TFG: variants seen among roughly 807,000 people sequenced by gnomAD.
The protein encoded by TFG is trafficking from ER to golgi regulator.
Under a neutral mutation model 51.4 loss-of-function variants are expected in TFG, and 22 were observed. That is an observed-to-expected ratio of 0.43 (90% CI 0.31 to 0.61). The LOEUF (loss-of-function observed/expected upper bound fraction) is 0.61. Among genes scored for constraint, TFG ranks in the 20% least tolerant of loss-of-function variants. The pLI, the probability that TFG is intolerant of heterozygous loss-of-function variation, is 0.12. For missense variants in TFG, 419 were observed against 487.7 expected, an observed-to-expected ratio of 0.86 and a Z score of 1.33; for synonymous variants, 187 against 165.6, an observed-to-expected ratio of 1.13 and a Z score of -0.99.
At chr3:100,710,528 G>C (rs950740539) in intron 1 of TFG, among the ~76,000 whole-genome samples, 1 of 152,190 alleles carries the variant, frequency 6.6e-6, no homozygotes, top group African/African-American at 2.4e-5. Flanking sequence ...TTTCTTGAAG[G>C]AAACTGCTCC....
At chr3:100,716,486 G>A (rs2095046830) in intron 2 of TFG, among the ~76,000 whole-genome samples, 1 of 152,152 alleles carries the variant, frequency 6.6e-6, no homozygotes, top group African/African-American at 2.4e-5. Flanking sequence ...ATTGTGAATA[G>A]TGCTGCAGTA....
At chr3:100,724,799 A>G (rs976179114) in intron 3 of TFG, among the ~76,000 whole-genome samples, 4 of 152,200 alleles carry the variant, frequency 2.6e-5, no homozygotes, top group African/African-American at 9.7e-5. Context: ...ATCACATACT[A>G]TTTTCCATAA....
At chr3:100,730,816 G>GTA (rs2095089540) in intron 4 of TFG, among the ~76,000 whole-genome samples, 1 of 152,164 alleles carries the variant, frequency 6.6e-6, no homozygotes, top group Admixed American at 6.5e-5. Flanking sequence ...GTAGTAGGAC[G>GTA]TATAGTATGT....
At chr3:100,731,127 T>TA (rs1233158681) in intron 4 of TFG, among the ~76,000 whole-genome samples, 14 of 152,348 alleles carry the variant, frequency 9.2e-5, no homozygotes, top group Admixed American at 2.0e-4. Context: ...TTTCAGAAGA[T>TA]ACATTTTGTA....
chr3:100,725,064 C>T (rs770383052), intron 3 of TFG, among the ~76,000 whole-genome samples: 51 of 152,008 alleles, frequency 3.4e-4, no homozygotes, highest in Middle Eastern at 3.2e-3. Flanking sequence ...CCACCACGCC[C>T]GGCTAATTTG....
At chr3:100,748,128 T>A (rs1256454874) in intron 7 of TFG, 21 bp from the exon 8 acceptor site, 1 of 1,603,860 alleles carries the variant, frequency 6.2e-7, no homozygotes. Flanking sequence ...AAGATACATG[T>A]TATTTATTTT....
In TFG at chr3:100,748,517, C is replaced by G; in HGVS notation, c.1189C>G (p.Pro397Ala). ...PFGQGYTQPG[P>A]GYR ...TGGTCAGGGCTATACCCAACCTGGA[C>G]CTGGTTATCGATAAGGAGGCTCCTC... The change falls in exon 8 of 8, where the codon CCT (proline) becomes GCT (alanine). Residue 397 changes from proline (P) to alanine (A), a missense_variant. Pro to Ala is a conservative substitution (Grantham distance 27, BLOSUM62 -1). Coordinates refer to ENST00000240851, the MANE Select transcript of TFG (RefSeq NM_006070.6). 1.2e-6 allele frequency: 2 copies of G among 1,611,192 alleles called. No homozygotes were observed. The highest frequency in any genetic ancestry group is 1.7e-6 in the Non-Finnish European group (2 of 1,177,878).
At chr3:100,746,576 GTTAT>G (rs1559724995) in intron 7 of TFG, among the ~76,000 whole-genome samples, 6 of 151,916 alleles carry the variant, frequency 3.9e-5, no homozygotes, top group Admixed American at 6.6e-5. Flanking sequence ...TTCACCTAAA[GTTAT>G]TTATTATTTT....
intron 3 of TFG, among the ~76,000 whole-genome samples, chr3:100,720,810 TA>T (rs2095058689): frequency 6.6e-6 from 1 of 152,228 alleles, no homozygotes; most frequent in Non-Finnish European, 1.5e-5. Flanking sequence ...TCTTAATAGA[TA>T]TGCAAGGCAG....
At chr3:100,728,928 T>G in intron 4 of TFG, 70 bp downstream of exon 4, 9 of 1,386,086 alleles carry the variant, frequency 6.5e-6, no homozygotes, top group Non-Finnish European at 8.7e-6. Context: ...AAAAACTCTT[T>G]TTAAGTAGGA....
intron 1 of TFG, among the ~76,000 whole-genome samples, chr3:100,712,916 T>G (rs2095035119): frequency 1.3e-5 from 2 of 152,132 alleles, no homozygotes; most frequent in African/African-American, 2.4e-5. Flanking sequence ...AGTATGGGAA[T>G]AGCAGGGGTG....
intron 1 of TFG, 143 bp from the exon 2 acceptor site, chr3:100,713,500 C>T (rs2095036659): frequency 2.6e-6 from 1 of 390,902 alleles, no homozygotes; most frequent in Non-Finnish European, 4.5e-6. Context: ...ATAATGTTGC[C>T]TCCAGACCAT....
intron 3 of TFG, among the ~76,000 whole-genome samples, chr3:100,727,725 T>G (rs1305800675): frequency 1.3e-5 from 2 of 152,218 alleles, no homozygotes; most frequent in Non-Finnish European, 2.9e-5. Flanking sequence ...AACTAGAGAT[T>G]ACCGAGTAAT....
At chr3:100,743,814 T>C (rs79588165) in intron 6 of TFG, 3 of 152,034 alleles carry the variant, frequency 2.0e-5, no homozygotes, top group African/African-American at 4.8e-5. Flanking sequence ...TTTTTTTTTT[T>C]CTCACTTCAG....
intron 6 of TFG, among the ~76,000 whole-genome samples, chr3:100,740,539 A>G (rs1402050679): frequency 6.6e-6 from 1 of 152,170 alleles, no homozygotes; most frequent in African/African-American, 2.4e-5. Context: ...AGCCCTATTC[A>G]GTATGTGAGG....
In TFG at chr3:100,736,683, A is replaced by G. The variant is rs771795676; in HGVS notation, c.688A>G (p.Thr230Ala). The change falls in exon 6 of 8, where the codon ACA becomes GCA. Residue 230 changes from threonine to alanine, a missense_variant. Thr to Ala is a moderately conservative substitution (Grantham distance 58). Transcript: ENST00000240851. ...PGVQPQQPPY[T>A]GAQTQAGQIE... Reference sequence around the variant, plus strand: ...CGTTCAGCCACAGCAGCCACCATATACAGGAGCTCAGACTCAAGCAGGTCA... The same window carrying G: ...CGTTCAGCCACAGCAGCCACCATATGCAGGAGCTCAGACTCAAGCAGGTCA... 2.0e-5 allele frequency: 32 copies of G among 1,614,004 alleles called. No individual in the cohort carries two copies. The highest frequency in any genetic ancestry group is 2.7e-5 in the Non-Finnish European group (32 of 1,179,952).
At chr3:100,729,042 G>T (rs1419147472) in intron 4 of TFG, among the ~76,000 whole-genome samples, 184 bp downstream of exon 4, 1 of 152,136 alleles carries the variant, frequency 6.6e-6, no homozygotes, top group Non-Finnish European at 1.5e-5. Flanking sequence ...TTACTAGGAG[G>T]TTTCATTATA....
intron 6 of TFG, 24 bp from the exon 7 acceptor site, chr3:100,744,808 TG>T: frequency 1.2e-6 from 1 of 844,324 alleles, no homozygotes; most frequent in Non-Finnish European, 1.7e-6. Flanking sequence ...CTTTTTTCCT[TG>T]TGTGTGTGTG....
chr3:100,714,266 G>A (rs1454955515), intron 2 of TFG, among the ~76,000 whole-genome samples: 3 of 152,114 alleles, frequency 2.0e-5, no homozygotes, highest in Admixed American at 6.5e-5. Context: ...TTGGGAGACC[G>A]AGGTAGGCGG....
Sources: allele counts gnomAD v4.1 joint callset (sites outside exome capture counted in the v4.1 genomes callset), GRCh38; gene constraint gnomAD v4.1.1; transcripts MANE v1.5; gene names NCBI Gene and HGNC (gene_info 2026-07-23, HGNC 2026-07-21).